TRIM65: variants seen among roughly 807,000 people sequenced by gnomAD.
TRIM65 encodes the protein E3 ubiquitin-protein ligase TRIM65.
Under a neutral mutation model 36.1 loss-of-function variants are expected in TRIM65, and 46 were observed. That is an observed-to-expected ratio of 1.27 (90% CI 1.01 to 1.63). The LOEUF (loss-of-function observed/expected upper bound fraction) is 1.63, where lower values mean the gene tolerates loss of function less well. Ranked by LOEUF, TRIM65 falls within the 40% of genes most tolerant of loss-of-function variation. The pLI, the probability that TRIM65 is intolerant of heterozygous loss-of-function variation, is 0.00. For synonymous variants in TRIM65, 346 were observed against 313.6 expected (o/e 1.10, Z -1.09); for missense variants, 708 against 696.6 (o/e 1.02, Z -0.18).
intron 1 of TRIM65, 110 bp downstream of exon 1, chr17:75,896,414 C>T: frequency 8.2e-7 from 1 of 1,219,534 alleles, no homozygotes; most frequent in South Asian, 3.7e-5. Context: ...GATGAGGCTC[C>T]CCGCCCCCGC....
downstream of TRIM65, chr17:75,888,889 G>A (rs941968714): frequency 1.4e-5 from 2 of 144,002 alleles, no homozygotes; most frequent in Non-Finnish European, 3.0e-5. Context: ...GGGTGGGGTC[G>A]TCGTGGGAGG....
At chr17:75,895,697 C>T (rs1456191703) in intron 1 of TRIM65, among the ~76,000 whole-genome samples, 1 of 152,222 alleles carries the variant, frequency 6.6e-6, no homozygotes, top group Non-Finnish European at 1.5e-5. Context: ...TCACCCCAAC[C>T]CCTCTATCAC....
intron 1 of TRIM65, among the ~76,000 whole-genome samples, 194 bp from the exon 2 acceptor site, chr17:75,893,044 G>A (rs972582759): frequency 6.6e-6 from 1 of 152,240 alleles, no homozygotes; most frequent in Non-Finnish European, 1.5e-5. Flanking sequence ...TCCAGACAAA[G>A]TCCTTCCTAA....
At chr17:75,880,097 C>G (rs1028041895), downstream of TRIM65, among the ~76,000 whole-genome samples, 1 of 150,642 alleles carries the variant, frequency 6.6e-6, no homozygotes, top group Non-Finnish European at 1.5e-5. Flanking sequence ...GGTAACTGCT[C>G]ATACCACTCT....
chr17:75,888,369 G>A (rs1407647047), downstream of TRIM65, among the ~76,000 whole-genome samples: 55 of 149,740 alleles, frequency 3.7e-4, no homozygotes, highest in East Asian at 8.4e-3. Flanking sequence ...AAAAAAGAAA[G>A]AAAGAAAAAG....
At chr17:75,882,602 G>A (rs1400606219) in intron 4 of TRIM65, among the ~76,000 whole-genome samples, 1 of 150,564 alleles carries the variant, frequency 6.6e-6, no homozygotes, top group African/African-American at 2.5e-5. Context: ...AAGAGTCAAG[G>A]GCAAGGGTAA....
At chr17:75,881,432 G>A (rs755315153) in intron 4 of TRIM65, among the ~76,000 whole-genome samples, 1 of 150,188 alleles carries the variant, frequency 6.7e-6, no homozygotes, top group Non-Finnish European at 1.5e-5. Flanking sequence ...CTGGAAGTCT[G>A]CGATCACGGT....
rs2065281779 is a variant in TRIM65, at chr17:75,892,336, C to T, written c.675G>A (p.Glu225=). The T allele has an allele frequency of 1.2e-6, 2 of 1,613,012 alleles. No individual in the cohort carries two copies. Among genetic ancestry groups the T allele is most frequent in the Non-Finnish European group, 1.7e-6 (2 of 1,179,972 alleles). The change falls in exon 3 of 6, where the codon GAG becomes GAA. Residue 225 remains glutamate (E), a synonymous_variant. Coordinates refer to ENST00000269383, the MANE Select transcript of TRIM65 (RefSeq NM_173547.4). ...DEEQRLRVHL[E]AVARHGCRIR... ...TCCTGCAGCCATGGCGAGCCACAGCCTCCAAATGGACCCGCAGCCGCTGCT... is the reference window on the plus strand; with the variant it reads ...TCCTGCAGCCATGGCGAGCCACAGCTTCCAAATGGACCCGCAGCCGCTGCT...
At chr17:75,891,463 T>G (rs2144058079) in intron 5 of TRIM65, 116 bp from the exon 6 acceptor site, 1 of 1,123,606 alleles carries the variant, frequency 8.9e-7, no homozygotes, top group African/African-American at 1.6e-5. Context: ...ACCATAGCAC[T>G]TAATCCTCGC....
At chr17:75,896,124 C>A (rs1176459409) in intron 1 of TRIM65, among the ~76,000 whole-genome samples, 1 of 152,206 alleles carries the variant, frequency 6.6e-6, no homozygotes. Context: ...GGCACGATCT[C>A]GGCTTACTGC....
Position 75,890,666 on chromosome 17 carries a change from T to C in TRIM65, c.*113A>G. On this transcript the variant is annotated 3_prime_UTR_variant, in exon 6 of 6. Coordinates refer to ENST00000269383, the MANE Select transcript of TRIM65 (RefSeq NM_173547.4). ...CCTCCCCCAACCTCCCATCTCTTTC[T>C]GAGTTAACAGAGAGGCCAACAGCTG... 1.1e-6 allele frequency: 1 copy of C among 914,704 alleles called. No homozygotes were observed. The highest frequency in any genetic ancestry group is 1.6e-6 in the Non-Finnish European group (1 of 637,790). The allele number at this position is 914,704 out of a possible 1,614,324, so 56.7% of individuals were successfully genotyped here. A position where few individuals can be genotyped will look rare whatever the true frequency, so the allele number is the denominator to read the frequency against.
rs982564822 is a variant in TRIM65, at chr17:75,894,514, G to C, written c.415-1664C>G. On this transcript the variant is annotated intron_variant, in intron 1 of 5. Coordinates refer to ENST00000269383, the MANE Select transcript of TRIM65 (RefSeq NM_173547.4). ...TCCCCCGACCTTCCCCATCTCCCTG[G>C]GAGCTCCAGCTTGGAACCTTCTCTT... is the stretch of plus-strand genomic sequence containing the variant. 2.6e-5 allele frequency among the ~76,000 whole-genome samples: 4 copies of C among 152,128 alleles called. No homozygotes were observed. In the East Asian group the frequency reaches 7.7e-4, roughly 29 times the overall value.
intron 4 of TRIM65, among the ~76,000 whole-genome samples, chr17:75,883,271 C>T (rs1046293826): frequency 7.6e-5 from 11 of 144,448 alleles, no homozygotes; most frequent in Admixed American, 6.7e-5. Flanking sequence ...CGTGCACTAC[C>T]ACGACCAGCT....
At chr17:75,887,646 CA>C (rs35086337), downstream of TRIM65, among the ~76,000 whole-genome samples, 41,676 of 90,568 alleles carry the variant, frequency 0.46, 6,500 homozygotes, top group African/African-American at 0.61. Flanking sequence ...GACTCCGTCT[CA>C]AAAAAAAAAA....
rs1421518495 is a variant in TRIM65 at position 75,890,501 on chromosome 17, C to G, written c.*278G>C. 1.5e-5 allele frequency: 5 copies of G among 341,974 alleles called. No individual in the cohort carries two copies. The highest frequency in any genetic ancestry group is 2.6e-5 in the Non-Finnish European group (5 of 191,534). The allele number at this position is 341,974 out of a possible 1,614,324, so 21.2% of individuals were successfully genotyped here. A position where few individuals can be genotyped will look rare whatever the true frequency, so the allele number is the denominator to read the frequency against. On this transcript the variant is annotated 3_prime_UTR_variant, in exon 6 of 6. Transcript: ENST00000269383. ...GCTGTCCTGTAAGCCCAGAAGTCCC[C>G]TGGGCACTGCTCTCGCCTCCCAGGC...
chr17:75,891,376 C>T, intron 5 of TRIM65, 29 bp from the exon 6 acceptor site: 1 of 1,608,926 alleles, frequency 6.2e-7, no homozygotes, highest in South Asian at 1.1e-5. Flanking sequence ...CAGCAGTGGG[C>T]TGGGGGAAGA....
chr17:75,888,948 A>G (rs1367325174), downstream of TRIM65: 1 of 151,688 alleles, frequency 6.6e-6, no homozygotes, highest in Non-Finnish European at 1.5e-5. Flanking sequence ...GGGGGTATGT[A>G]TATTACACGT....
At position 75,890,721 on chromosome 17, in the gene TRIM65, A is replaced by G; in HGVS notation, c.*58T>C. 7.3e-7 allele frequency: 1 copy of G among 1,377,090 alleles called. No homozygotes were observed. The highest frequency in any genetic ancestry group is 9.5e-7 in the Non-Finnish European group (1 of 1,049,020). 85.3% of individuals were successfully genotyped at this position (1,377,090 alleles called of 1,614,324 possible). A position where few individuals can be genotyped will look rare whatever the true frequency, so the allele number is the denominator to read the frequency against. ...TCCAGTCCCCAAGCTGAAGCTGGGC[A>G]GCTCTTGGGCACATAGGCATGGTGG... On this transcript the variant is annotated 3_prime_UTR_variant, in exon 6 of 6. Coordinates refer to ENST00000269383, the MANE Select transcript of TRIM65 (RefSeq NM_173547.4).
At chr17:75,880,133 A>C (rs780166386), downstream of TRIM65, among the ~76,000 whole-genome samples, 1 of 150,690 alleles carries the variant, frequency 6.6e-6, no homozygotes, top group Non-Finnish European at 1.5e-5. Flanking sequence ...TTTGGAATAG[A>C]AAGAAATGCT....
Sources: allele counts gnomAD v4.1 joint callset (sites outside exome capture counted in the v4.1 genomes callset), GRCh38; gene constraint gnomAD v4.1.1; transcripts MANE v1.5; gene names NCBI Gene and HGNC (gene_info 2026-07-23, HGNC 2026-07-21).